XRN2: variants seen among roughly 807,000 people sequenced by gnomAD.
XRN2 encodes the protein DHM1-like protein.
Under a neutral mutation model 138.5 loss-of-function variants are expected in XRN2, and 44 were observed. That is an observed-to-expected ratio of 0.32 (90% CI 0.25 to 0.41). XRN2 has a LOEUF of 0.41. Ranked by LOEUF, XRN2 falls within the 10% of genes least tolerant of loss-of-function variation. XRN2 has a pLI of 1.00. For missense variants in XRN2, 937 were observed against 1,169.3 expected, an observed-to-expected ratio of 0.80 and a Z score of 2.90; for synonymous variants, 354 against 369.4, an observed-to-expected ratio of 0.96 and a Z score of 0.48.
intron 14 of XRN2, among the ~76,000 whole-genome samples, chr20:21,339,618 A>G (rs1388590329): frequency 6.6e-6 from 1 of 152,148 alleles, no homozygotes; most frequent in Non-Finnish European, 1.5e-5. Flanking sequence ...CCTGCTGATT[A>G]AGAGTGTTGC....
intron 13 of XRN2, among the ~76,000 whole-genome samples, chr20:21,336,640 A>C (rs1455352495): frequency 6.6e-6 from 1 of 152,224 alleles, no homozygotes; most frequent in African/African-American, 2.4e-5. Context: ...ACAGCAAAAA[A>C]CAAAAAAGGA....
chr20:21,389,548 T>C lies in XRN2; in HGVS notation c.*210T>C. 2.3e-6 allele frequency: 1 copy of C among 437,538 alleles called. No individual in the cohort carries two copies. 27.1% of individuals were successfully genotyped at this position (437,538 alleles called of 1,614,324 possible). On this transcript the variant is annotated 3_prime_UTR_variant, in exon 30 of 30. Coordinates refer to ENST00000377191, the MANE Select transcript of XRN2 (RefSeq NM_012255.5). ...TAATACAGTGGATCTGAATTTATTA[T>C]TGCTTATAAAACACATTTGATGGAA...
chr20:21,346,610 TC>T, intron 17 of XRN2, 60 bp downstream of exon 17: 2 of 1,572,682 alleles, frequency 1.3e-6, no homozygotes, highest in African/African-American at 2.7e-5. Flanking sequence ...AATAGTAATT[TC>T]TTTTTTTTTG....
In XRN2 at chr20:21,339,071, AAAAG is replaced by A. The variant is rs770919290; in HGVS notation, c.1267_1270del (p.Lys423GlufsTer2). On this transcript the variant is annotated frameshift_variant, in exon 14 of 30. Coordinates refer to ENST00000377191, the MANE Select transcript of XRN2 (RefSeq NM_012255.5). LOFTEE classifies it high-confidence loss of function. Reference sequence around the variant, plus strand: ...CAGTTTTAGAAGACGACAGAAAGAAAAAAGAAAGAGAATGAAGGTGAGTTTTAAT... The same window carrying A: ...CAGTTTTAGAAGACGACAGAAAGAAAAAAGAGAATGAAGGTGAGTTTTAAT... 17 of 1,606,066 alleles carry A rather than the reference AAAAG, an allele frequency of 1.1e-5. No homozygotes were observed. The highest frequency in any genetic ancestry group is 1.7e-5 in the Admixed American group (1 of 58,940).
intron 13 of XRN2, among the ~76,000 whole-genome samples, chr20:21,337,613 G>T (rs995985527): frequency 5.3e-5 from 8 of 152,108 alleles, no homozygotes; most frequent in African/African-American, 1.9e-4. Flanking sequence ...CAAGTACTGG[G>T]CCCAGGGGAG....
At chr20:21,333,261 A>G (rs2038239693) in intron 9 of XRN2, among the ~76,000 whole-genome samples, 1 of 152,218 alleles carries the variant, frequency 6.6e-6, no homozygotes, top group South Asian at 2.1e-4. Context: ...TAAAAACAAA[A>G]TAAAACATGA....
In XRN2 at chr20:21,303,345, C is replaced by T; in HGVS notation, c.-54C>T. On this transcript the variant is annotated 5_prime_UTR_variant, in exon 1 of 30. Transcript: ENST00000377191. ...TGGTGCCCTCTGCCGCTGCTCCCGT[C>T]TCTTTGGTTACGCTCGTCAGCCGGT... 4.6e-6 allele frequency: 7 copies of T among 1,536,386 alleles called. No individual in the cohort carries two copies. Among genetic ancestry groups the T allele is most frequent in the Non-Finnish European group, 6.1e-6 (7 of 1,140,580 alleles).
intron 9 of XRN2, 31 bp downstream of exon 9, chr20:21,332,471 TAAA>T: frequency 7.9e-7 from 1 of 1,268,886 alleles, no homozygotes; most frequent in Non-Finnish European, 1.1e-6. Flanking sequence ...GTTGCCTCAT[TAAA>T]AAAAAAAATC....
chr20:21,338,512 A>G (rs777858079), intron 13 of XRN2, among the ~76,000 whole-genome samples: 6 of 152,038 alleles, frequency 3.9e-5, no homozygotes, highest in South Asian at 4.1e-4. Context: ...GTGAGGGATA[A>G]TGTTTGCGTA....
At chr20:21,304,883 A>G (rs1704497458) in intron 1 of XRN2, among the ~76,000 whole-genome samples, 1 of 152,228 alleles carries the variant, frequency 6.6e-6, no homozygotes, top group Non-Finnish European at 1.5e-5. Context: ...ATCCAAAATT[A>G]AATGATCAGG....
Position 21,368,499 on chromosome 20 carries a change from C to G in XRN2, c.2493C>G (p.Tyr831Ter), listed in dbSNP as rs1315747242. Residue 831 changes from tyrosine (Y) to a stop codon, truncating the protein, a stop_gained, in exon 27 of 30, where the codon TAC becomes TAG. Coordinates refer to ENST00000377191, the MANE Select transcript of XRN2 (RefSeq NM_012255.5). LOFTEE classifies it high-confidence loss of function. ...VMPRGSGTGI[Y>*]SNAAPPPVTY... is the part of the protein sequence containing the mutation. ...CAAGAGGCTCAGGAACTGGCATTTA[C>G]AGCAATGCTGCACCACCACCTGTGA... is the stretch of plus-strand genomic sequence containing the variant. 6.2e-7 allele frequency: 1 copy of G among 1,614,004 alleles called. No individual in the cohort carries two copies.
chr20:21,308,277 C>T (rs2037830912), intron 1 of XRN2, among the ~76,000 whole-genome samples: 1 of 152,122 alleles, frequency 6.6e-6, no homozygotes, highest in South Asian at 2.1e-4. Context: ...GGATTGTTTC[C>T]AGTTTTTGGC....
chr20:21,348,424 T>C lies in XRN2; in HGVS notation c.1857T>C (p.Ser619=). 1 of 1,613,658 alleles carries C rather than the reference T, an allele frequency of 6.2e-7. No individual in the cohort carries two copies. The highest frequency in any genetic ancestry group is 8.5e-7 in the Non-Finnish European group (1 of 1,179,752). ...CTCCATCATGGCGGAAGCTCATGAGTGATCCTGTGAGTCTCAGTATTTTGA... is the reference window on the plus strand; with the variant it reads ...CTCCATCATGGCGGAAGCTCATGAGCGATCCTGTGAGTCTCAGTATTTTGA... ...FLPPSWRKLM[S]DPDSSIIDFY... Residue 619 remains serine (S), a synonymous_variant, in exon 19 of 30, where the codon AGT becomes AGC. Transcript: ENST00000377191.
intron 1 of XRN2, among the ~76,000 whole-genome samples, chr20:21,308,673 C>T (rs368175624): frequency 6.6e-5 from 10 of 152,204 alleles, no homozygotes; most frequent in Admixed American, 2.0e-4. Context: ...TTTTTATCTT[C>T]GGTTGTCTTA....
intron 29 of XRN2, 50 bp downstream of exon 29, chr20:21,387,056 A>G: frequency 1.3e-6 from 2 of 1,570,814 alleles, no homozygotes; most frequent in Non-Finnish European, 1.7e-6. Flanking sequence ...TATTTCAACA[A>G]GCCTCACAGG....
chr20:21,305,553 C>CTTTTTTTTTTTTTTTTTTTT (rs1180206108), intron 1 of XRN2, among the ~76,000 whole-genome samples: 4 of 19,840 alleles, frequency 2.0e-4, no homozygotes, highest in Non-Finnish European at 4.2e-4. Context: ...CATACGTGGC[C>CTTTTTTTTTTTTTTTTTTTT]TTTTTTTTTT....
intron 1 of XRN2, among the ~76,000 whole-genome samples, chr20:21,315,502 T>C (rs557797155): frequency 3.9e-5 from 6 of 152,024 alleles, no homozygotes; most frequent in South Asian, 4.2e-4. Flanking sequence ...CTCTTCCCCC[T>C]TTTTTTTGAG....
At chr20:21,305,239 C>T (rs1254851847) in intron 1 of XRN2, among the ~76,000 whole-genome samples, 1 of 152,082 alleles carries the variant, frequency 6.6e-6, no homozygotes, top group East Asian at 1.9e-4. Flanking sequence ...GTACTGTTTT[C>T]TGGATCATCA....
intron 24 of XRN2, among the ~76,000 whole-genome samples, chr20:21,362,483 AC>A (rs1191727955): frequency 6.6e-6 from 1 of 151,970 alleles, no homozygotes; most frequent in Non-Finnish European, 1.5e-5. Flanking sequence ...TACTTTCCCA[AC>A]GTTCCCATCC....
Sources: gnomAD v4.1 joint callset for allele counts (sites outside exome capture counted in the v4.1 genomes callset) on GRCh38, gnomAD v4.1.1 for gene constraint, MANE v1.5 for transcripts, NCBI Gene and HGNC (gene_info 2026-07-23, HGNC 2026-07-21) for gene names.